Variants in GRM7 observed in about 807,000 individuals in gnomAD.
The protein encoded by GRM7 is metabotropic glutamate receptor 7.
Under a neutral mutation model 84.5 loss-of-function variants are expected in GRM7, and 35 were observed. The observed-to-expected ratio is 0.41, with a 90% CI of 0.32 to 0.55. The LOEUF (loss-of-function observed/expected upper bound fraction) is 0.55. Ranked by LOEUF, GRM7 falls within the 20% of genes least tolerant of loss-of-function variation. The probability of loss-of-function intolerance (pLI) is 0.19; values close to 1 mark genes in which losing one functional copy is unlikely to be tolerated. For synonymous variants in GRM7, 487 were observed against 455.1 expected (o/e 1.07, Z -0.89); for missense variants, 1,003 against 1,194.6 (o/e 0.84, Z 2.36).
rs1696723694 is a variant in GRM7 at position 7,044,178 on chromosome 3, A to G, written c.520-102274A>G. Among the ~76,000 whole-genome samples the G allele has an allele frequency of 3.9e-5, 6 of 152,324 alleles. 1 individual carries two copies. The South Asian group carries it at 1.2e-3, about 32-fold the overall frequency. On this transcript the variant is annotated intron_variant, in intron 1 of 9. Coordinates refer to ENST00000357716, the MANE Select transcript of GRM7 (RefSeq NM_000844.4). The stretch of plus-strand genomic sequence containing the variant: ...TAGTGCAGGGGACATTCTTCTGTTT[A>G]TCTTCCAGACTGGCATGGATCCATG...
At chr3:7,649,134 A>G (rs1244246848) in intron 8 of GRM7, among the ~76,000 whole-genome samples, 2 of 151,240 alleles carry the variant, frequency 1.3e-5, no homozygotes, top group African/African-American at 4.9e-5. Flanking sequence ...CAGTGGTGCG[A>G]TCTCGGCTCA....
chr3:7,559,737 G>C (rs1693929475), intron 7 of GRM7, among the ~76,000 whole-genome samples: 1 of 152,030 alleles, frequency 6.6e-6, no homozygotes, highest in East Asian at 1.9e-4. Context: ...TGATCAGCTA[G>C]GGCTGCCATA....
intron 1 of GRM7, among the ~76,000 whole-genome samples, chr3:7,000,129 A>G (rs1463316931): frequency 4.0e-5 from 6 of 150,644 alleles, no homozygotes; most frequent in African/African-American, 9.7e-5. Flanking sequence ...TTTTTCATCA[A>G]TATAAATGCC....
intron 8 of GRM7, among the ~76,000 whole-genome samples, chr3:7,644,147 T>C (rs1698499060): frequency 7.4e-6 from 1 of 134,856 alleles, no homozygotes; most frequent in African/African-American, 2.7e-5. Flanking sequence ...TATATATATG[T>C]CTGTACGTAT....
intron 4 of GRM7, among the ~76,000 whole-genome samples, chr3:7,348,867 C>G (rs1393352754): frequency 6.6e-6 from 1 of 152,056 alleles, no homozygotes; most frequent in East Asian, 1.9e-4. Context: ...TTCCCTATAT[C>G]CAGCCTATGG....
intron 4 of GRM7, among the ~76,000 whole-genome samples, chr3:7,390,008 T>C (rs1694929457): frequency 1.3e-5 from 2 of 152,134 alleles, no homozygotes; most frequent in African/African-American, 4.8e-5. Flanking sequence ...TACATTTTCA[T>C]GTTTATAAGT....
chr3:7,663,247 C>G (rs982522017), intron 8 of GRM7, among the ~76,000 whole-genome samples: 2 of 152,306 alleles, frequency 1.3e-5, no homozygotes, highest in Middle Eastern at 3.4e-3. Flanking sequence ...GCAGACTCAA[C>G]TGGTCTCAGC....
chr3:7,207,993 A>G (rs914746192), intron 2 of GRM7, among the ~76,000 whole-genome samples: 1 of 152,212 alleles, frequency 6.6e-6, no homozygotes, highest in South Asian at 2.1e-4. Context: ...TCATTTAGAG[A>G]TTCCAGGCCT....
At chr3:7,431,871 A>G (rs1219737906) in intron 5 of GRM7, among the ~76,000 whole-genome samples, 1 of 152,184 alleles carries the variant, frequency 6.6e-6, no homozygotes, top group African/African-American at 2.4e-5. Context: ...TTGTAGAGAA[A>G]TAAATATGCA....
chr3:7,292,726 TAA>T (rs869047081), intron 2 of GRM7, among the ~76,000 whole-genome samples: 122 of 140,864 alleles, frequency 8.7e-4, no homozygotes, highest in African/African-American at 2.8e-3. Flanking sequence ...CTTTTTTTTT[TAA>T]AAAAAAAAAC....
chr3:7,640,733 G>A (rs1698328430), intron 8 of GRM7, among the ~76,000 whole-genome samples: 1 of 152,108 alleles, frequency 6.6e-6, no homozygotes, highest in Admixed American at 6.6e-5. Flanking sequence ...AATCTAATGG[G>A]ACTTGGAAAA....
At chr3:7,029,186 C>T (rs571187418) in intron 1 of GRM7, among the ~76,000 whole-genome samples, 84 of 151,860 alleles carry the variant, frequency 5.5e-4, no homozygotes, top group East Asian at 2.3e-3. Flanking sequence ...CACTTGTAAT[C>T]GTAGCTACTT....
intron 1 of GRM7, among the ~76,000 whole-genome samples, chr3:7,140,967 C>T (rs968793683): frequency 6.6e-6 from 1 of 151,860 alleles, no homozygotes. Flanking sequence ...CAAGTTCTAG[C>T]TAAGACTTTA....
At chr3:7,262,152 G>T (rs573552004) in intron 2 of GRM7, among the ~76,000 whole-genome samples, 8 of 151,228 alleles carry the variant, frequency 5.3e-5, no homozygotes, top group Non-Finnish European at 7.4e-5. Context: ...GTGTCTTAGG[G>T]ATCATCTTCT....
At chr3:7,651,071 A>C (rs1442315112) in intron 8 of GRM7, among the ~76,000 whole-genome samples, 4 of 152,176 alleles carry the variant, frequency 2.6e-5, no homozygotes, top group African/African-American at 7.2e-5. Context: ...CATGAAGCTT[A>C]AATAGCACAG....
chr3:7,005,559 C>T (rs191149308), intron 1 of GRM7, among the ~76,000 whole-genome samples: 27 of 152,266 alleles, frequency 1.8e-4, no homozygotes, highest in African/African-American at 5.8e-4. Context: ...AAACATACTT[C>T]ATAAGAACAT....
chr3:6,877,634 G>A (rs1242048722), intron 1 of GRM7, among the ~76,000 whole-genome samples: 5 of 152,072 alleles, frequency 3.3e-5, no homozygotes, highest in African/African-American at 1.2e-4. Flanking sequence ...TCTTTGATAG[G>A]CCCATGAGGT....
chr3:7,077,778 G>A, intron 1 of GRM7, among the ~76,000 whole-genome samples: 1 of 152,122 alleles, frequency 6.6e-6, no homozygotes, highest in South Asian at 2.1e-4. Flanking sequence ...AAAAGTTGTA[G>A]ATGAAATGAT....
chr3:7,444,818 C>T (rs1434535401), intron 5 of GRM7, among the ~76,000 whole-genome samples: 1 of 152,098 alleles, frequency 6.6e-6, no homozygotes, highest in Non-Finnish European at 1.5e-5. Context: ...TGAATAGCCC[C>T]CCAGGAAGCA....
Sources: gnomAD v4.1 joint callset for allele counts (sites outside exome capture counted in the v4.1 genomes callset) on GRCh38, gnomAD v4.1.1 for gene constraint, MANE v1.5 for transcripts, NCBI Gene and HGNC (gene_info 2026-07-23, HGNC 2026-07-21) for gene names.